Variants in PTPRD observed in about 807,000 individuals in gnomAD.
PTPRD encodes the protein receptor-type tyrosine-protein phosphatase delta.
A neutral mutation model predicts 214.5 loss-of-function variants in PTPRD; 34 were observed. That is an observed-to-expected ratio of 0.16 (90% confidence interval 0.12 to 0.21). The LOEUF (loss-of-function observed/expected upper bound fraction) is 0.21, where lower values mean the gene tolerates loss of function less well. Among genes scored for constraint, PTPRD ranks in the 10% least tolerant of loss-of-function variants. PTPRD has a pLI of 1.00. For missense variants in PTPRD, 2,545 were observed against 2,398.7 expected, an observed-to-expected ratio of 1.06 and a Z score of -1.27; for synonymous variants, 1,128 against 845.7, an observed-to-expected ratio of 1.33 and a Z score of -5.79.
At chr9:10,450,063 A>C (rs2098829912) in intron 2 of PTPRD, among the ~76,000 whole-genome samples, 1 of 151,550 alleles carries the variant, frequency 6.6e-6, no homozygotes, top group Non-Finnish European at 1.5e-5. Flanking sequence ...AAGAGTCATC[A>C]CCACTCCGTA....
chr9:8,836,258 A>G (rs2097419539), intron 11 of PTPRD, among the ~76,000 whole-genome samples: 1 of 152,174 alleles, frequency 6.6e-6, no homozygotes, highest in South Asian at 2.1e-4. Flanking sequence ...GTAAAATTTG[A>G]GTGTTTTGAT....
intron 14 of PTPRD, among the ~76,000 whole-genome samples, chr9:8,607,196 A>G (rs1257224530): frequency 6.6e-6 from 1 of 152,236 alleles, no homozygotes; most frequent in Non-Finnish European, 1.5e-5. Flanking sequence ...CACAAAAAAT[A>G]TAACTAGGTG....
At chr9:10,404,564 A>AACAATTAACTGGC (rs1565821281) in intron 2 of PTPRD, among the ~76,000 whole-genome samples, 1 of 51,592 alleles carries the variant, frequency 1.9e-5, no homozygotes, top group Admixed American at 2.1e-4. Context: ...AACTTAAGCC[A>AACAATTAACTGGC]TGTTGGTGAC....
Position 9,523,380 on chromosome 9 carries a change from T to C in PTPRD, c.-237+51352A>G, listed in dbSNP as rs924552885. 3.3e-5 allele frequency among the ~76,000 whole-genome samples: 5 copies of C among 152,174 alleles called. No individual in the cohort carries two copies. The East Asian group carries it at 9.6e-4, about 29-fold the overall frequency. ...CTCCTGTATATTGGAGGGGAGATATTGGGTTTAATTTATTCAAAAAGATTC... is the reference window on the plus strand; with the variant it reads ...CTCCTGTATATTGGAGGGGAGATATCGGGTTTAATTTATTCAAAAAGATTC... On this transcript the variant is annotated intron_variant, in intron 8 of 45. Transcript: ENST00000381196.
At chr9:8,939,297 G>T (rs1419966735) in intron 11 of PTPRD, among the ~76,000 whole-genome samples, 1 of 152,050 alleles carries the variant, frequency 6.6e-6, no homozygotes, top group Non-Finnish European at 1.5e-5. Flanking sequence ...TTGCAAGGAA[G>T]AAAATACCTA....
chr9:10,598,549 G>C (rs1022856954), intron 2 of PTPRD, among the ~76,000 whole-genome samples: 3 of 151,766 alleles, frequency 2.0e-5, no homozygotes, highest in Non-Finnish European at 4.4e-5. Context: ...ACTGGACGTT[G>C]TCACCTGGAT....
intron 14 of PTPRD, among the ~76,000 whole-genome samples, chr9:8,551,360 C>T (rs1007016278): frequency 1.3e-5 from 2 of 152,186 alleles, no homozygotes; most frequent in African/African-American, 2.4e-5. Context: ...CCCATTTAAT[C>T]TCATCCTTAT....
At chr9:9,873,997 C>T (rs1282888997) in intron 5 of PTPRD, among the ~76,000 whole-genome samples, 3 of 152,092 alleles carry the variant, frequency 2.0e-5, no homozygotes, top group Admixed American at 6.6e-5. Context: ...AGACCAATTT[C>T]TTCTTAAAGC....
intron 8 of PTPRD, among the ~76,000 whole-genome samples, chr9:9,489,410 G>C (rs988122933): frequency 6.6e-6 from 1 of 151,882 alleles, no homozygotes; most frequent in Non-Finnish European, 1.5e-5. Flanking sequence ...CCATTCAAAA[G>C]AAAAAAATAA....
chr9:9,657,546 C>A (rs2096543339), intron 7 of PTPRD, among the ~76,000 whole-genome samples: 1 of 152,016 alleles, frequency 6.6e-6, no homozygotes, highest in Non-Finnish European at 1.5e-5. Flanking sequence ...CACAGGTATA[C>A]CTATGTAACA....
intron 10 of PTPRD, among the ~76,000 whole-genome samples, chr9:9,123,579 G>A (rs10125061): frequency 0.01 from 1,536 of 152,138 alleles, 28 homozygotes; most frequent in African/African-American, 0.035. Flanking sequence ...AAAGCCACAT[G>A]TTGTTAGCAA....
intron 10 of PTPRD, among the ~76,000 whole-genome samples, chr9:9,181,256 G>A (rs1188174843): frequency 6.6e-6 from 1 of 151,896 alleles, no homozygotes; most frequent in African/African-American, 2.4e-5. Context: ...GTAATGAGGT[G>A]CAGCTGATTA....
In PTPRD at chr9:9,191,003, C is replaced by T. The variant is rs536307780; in HGVS notation, c.-202-7640G>A. ...GATCTTGAAGATTCTCATCTCCTGG[C>T]ATTCATACACTTGTGTAACCTCCTC... On this transcript the variant is annotated intron_variant, in intron 9 of 45. Transcript: ENST00000381196. Among the ~76,000 whole-genome samples, 96 of 152,190 alleles carry T rather than the reference C, an allele frequency of 6.3e-4. 1 individual carries two copies. In the South Asian group the frequency reaches 0.019, roughly 30 times the overall value.
rs936356530 is a variant in PTPRD, at chr9:10,307,801, A to AT, written c.-545+33161dup. ...ATATATCATTGTGGTTTGGGTTGGC[A>AT]TTTTTTTAATGTTTGGTGATGCTAA... On this transcript the variant is annotated intron_variant, in intron 3 of 45. Transcript: ENST00000381196. 8.7e-4 allele frequency among the ~76,000 whole-genome samples: 132 copies of AT among 151,884 alleles called. 1 individual carries two copies. Among genetic ancestry groups the AT allele is most frequent in the African/African-American group, 3.0e-3 (126 of 41,462 alleles).
At chr9:8,918,212 T>C (rs1456251384) in intron 11 of PTPRD, among the ~76,000 whole-genome samples, 1 of 152,158 alleles carries the variant, frequency 6.6e-6, no homozygotes, top group Non-Finnish European at 1.5e-5. Context: ...AATGTGTTAG[T>C]GCACACCTGC....
At chr9:9,299,030 T>C (rs1442543676) in intron 9 of PTPRD, among the ~76,000 whole-genome samples, 1 of 151,752 alleles carries the variant, frequency 6.6e-6, no homozygotes, top group Non-Finnish European at 1.5e-5. Context: ...ATTATCCTAA[T>C]CATTTCAGGT....
chr9:10,572,778 T>A (rs957143535), intron 2 of PTPRD, among the ~76,000 whole-genome samples: 1 of 152,160 alleles, frequency 6.6e-6, no homozygotes, highest in Non-Finnish European at 1.5e-5. Context: ...CTTTTACTAA[T>A]AAACAACATC....
At chr9:8,549,710 A>T (rs926584415) in intron 14 of PTPRD, among the ~76,000 whole-genome samples, 2 of 152,164 alleles carry the variant, frequency 1.3e-5, no homozygotes, top group African/African-American at 4.8e-5. Context: ...ACCCCAAGGG[A>T]AATTATTTAA....
At chr9:8,602,327 C>A (rs2094918573) in intron 14 of PTPRD, among the ~76,000 whole-genome samples, 1 of 152,254 alleles carries the variant, frequency 6.6e-6, no homozygotes, top group African/African-American at 2.4e-5. Context: ...CCCAGGGCTT[C>A]TGAGACTTCA....
Sources: allele counts gnomAD v4.1 joint callset (sites outside exome capture counted in the v4.1 genomes callset), GRCh38; gene constraint gnomAD v4.1.1; transcripts MANE v1.5; gene names NCBI Gene and HGNC (gene_info 2026-07-23, HGNC 2026-07-21).